The following HTN1 variants were observed in gnomAD, a reference collection of about 807,000 sequenced individuals.
The protein encoded by HTN1 is histatin 1.
A neutral mutation model predicts 11.2 loss-of-function variants in HTN1; 18 were observed. The ratio of observed to expected loss-of-function variants is 1.61; its 90% CI spans 1.12 to 2.39. The LOEUF (loss-of-function observed/expected upper bound fraction) is 2.39. Among genes scored for constraint, HTN1 ranks in the 30% most tolerant of loss-of-function variants. The pLI, the probability that HTN1 is intolerant of heterozygous loss-of-function variation, is 0.00. For missense variants in HTN1, 80 were observed against 67.2 expected (o/e 1.19, Z -0.67); for synonymous variants, 21 against 20.5 (o/e 1.02, Z -0.07).
intron 2 of HTN1, among the ~76,000 whole-genome samples, 153 bp from the exon 3 acceptor site, chr4:70,054,169 G>A (rs1725972570): frequency 1.3e-5 from 2 of 152,026 alleles, no homozygotes; most frequent in Admixed American, 1.3e-4. Flanking sequence ...TTTTGAAGAT[G>A]TCATAAAGCT....
intron 5 of HTN1, chr4:70,057,135 C>G (rs1039846591): frequency 1.3e-5 from 2 of 152,120 alleles, no homozygotes; most frequent in Non-Finnish European, 2.9e-5. Context: ...TGGAACCAAC[C>G]CAAATGACCA....
chr4:70,055,127 C>A (rs937814211), intron 4 of HTN1, among the ~76,000 whole-genome samples: 3 of 151,958 alleles, frequency 2.0e-5, no homozygotes, highest in Admixed American at 6.6e-5. Flanking sequence ...CATTAAGAAG[C>A]ACCACCTAAG....
chr4:70,055,444 G>T, intron 4 of HTN1, 54 bp from the exon 5 acceptor site: 1 of 1,235,396 alleles, frequency 8.1e-7, no homozygotes, highest in Non-Finnish European at 1.2e-6. Flanking sequence ...AGAAACACTT[G>T]TATTGTCATT....
chr4:70,051,654 A>G (rs751639124), intron 1 of HTN1, among the ~76,000 whole-genome samples: 21 of 152,250 alleles, frequency 1.4e-4, no homozygotes, highest in Admixed American at 5.9e-4. Context: ...TTCAAAATAC[A>G]TAATTTTTAT....
chr4:70,057,600 T>G (rs1325508091), intron 5 of HTN1: 1 of 152,156 alleles, frequency 6.6e-6, no homozygotes, highest in African/African-American at 2.4e-5. Context: ...GAACTATAGT[T>G]CCAGTTCTGA....
At chr4:70,054,596 A>T (rs1189306739) in intron 4 of HTN1, 146 bp downstream of exon 4, 1 of 589,514 alleles carries the variant, frequency 1.7e-6, no homozygotes, top group Non-Finnish European at 2.9e-6. Flanking sequence ...TTATGATGCA[A>T]AGGCAAAAAG....
intron 4 of HTN1, 66 bp from the exon 5 acceptor site, chr4:70,055,432 T>G: frequency 8.7e-7 from 1 of 1,147,218 alleles, no homozygotes; most frequent in Non-Finnish European, 1.3e-6. Flanking sequence ...TGACAGTTTT[T>G]GAGAAACACT....
intron 2 of HTN1, 151 bp from the exon 3 acceptor site, chr4:70,054,171 C>A: frequency 2.0e-6 from 1 of 498,402 alleles, no homozygotes; most frequent in Non-Finnish European, 3.5e-6. Flanking sequence ...TTGAAGATGT[C>A]ATAAAGCTAA....
chr4:70,052,221 A>T (rs1488833136), intron 1 of HTN1, among the ~76,000 whole-genome samples: 1 of 152,160 alleles, frequency 6.6e-6, no homozygotes, highest in Non-Finnish European at 1.5e-5. Context: ...AATATCACTA[A>T]TGTTCTAATC....
At chr4:70,051,911 A>G (rs1265059326) in intron 1 of HTN1, among the ~76,000 whole-genome samples, 2 of 152,156 alleles carry the variant, frequency 1.3e-5, no homozygotes, top group Non-Finnish European at 2.9e-5. Flanking sequence ...TATAACTGCA[A>G]TTAACAGCCA....
At chr4:70,053,174 C>T in intron 2 of HTN1, 47 bp downstream of exon 2, 1 of 1,204,512 alleles carries the variant, frequency 8.3e-7, no homozygotes, top group Non-Finnish European at 1.2e-6. Flanking sequence ...AGTACTTATC[C>T]CAAGTGTCTC....
At chr4:70,051,120 T>G (rs1336663192) in intron 1 of HTN1, among the ~76,000 whole-genome samples, 1 of 152,204 alleles carries the variant, frequency 6.6e-6, no homozygotes, top group Non-Finnish European at 1.5e-5. Context: ...TAATTATTAA[T>G]TCTACATTTA....
Position 70,053,027 on chromosome 4 carries a change from G to T in HTN1, c.-13-37G>T, listed in dbSNP as rs774054473. Reference sequence around the variant, plus strand: ...AAGTTTGATGAATGAATGCATGAAAGAATGTGATTACTGATTTTTCATGTT... The same window carrying T: ...AAGTTTGATGAATGAATGCATGAAATAATGTGATTACTGATTTTTCATGTT... On this transcript the variant is annotated intron_variant, in intron 1 of 5. Transcript: ENST00000246896. 27 of 1,233,068 alleles carry T rather than the reference G, an allele frequency of 2.2e-5. 1 individual carries two copies. The South Asian group carries it at 2.9e-4, about 13-fold the overall frequency. 76.4% of individuals were successfully genotyped at this position (1,233,068 alleles called of 1,614,324 possible).
At position 70,055,474 on chromosome 4, in the gene HTN1, C is replaced by T. The variant is rs13353559; in HGVS notation, c.103-24C>T. On this transcript the variant is annotated intron_variant, in intron 4 of 5. Coordinates refer to ENST00000246896, the MANE Select transcript of HTN1 (RefSeq NM_002159.4). ...GTCATTCTCTATTCTCTGCAATTTG[C>T]TCTCTCCTTTTGTGTGTATGCAGGA... is the stretch of plus-strand genomic sequence containing the variant. 4,274 of 1,505,308 alleles carry T rather than the reference C, an allele frequency of 2.8e-3. 96 individuals are homozygous for T. The African/African-American group carries it at 0.052, about 18-fold the overall frequency. 93.2% of individuals were successfully genotyped at this position (1,505,308 alleles called of 1,614,324 possible).
intron 5 of HTN1, chr4:70,058,309 A>G (rs1241781917): frequency 6.6e-6 from 1 of 152,148 alleles, no homozygotes; most frequent in Non-Finnish European, 1.5e-5. Flanking sequence ...TGTGTAGGCT[A>G]TATTTAAGTG....
In HTN1 at chr4:70,055,515, T is replaced by C. The variant is rs778040971; in HGVS notation, c.120T>C (p.His40=). The C allele has an allele frequency of 1.3e-6, 2 of 1,597,458 alleles. No individual in the cohort carries two copies. The highest frequency in any genetic ancestry group is 4.5e-5 in the East Asian group (2 of 44,664). Residue 40 remains histidine (H), a synonymous_variant, in exon 5 of 6, where the codon CAT becomes CAC. Transcript: ENST00000246896. ...RRKFHEKHHS[H]REFPFYGDYG... ...GTATGCAGGAAAAGCATCATTCACATCGAGAATTTCCATTTTATGGGGACT... is the reference window on the plus strand; with the variant it reads ...GTATGCAGGAAAAGCATCATTCACACCGAGAATTTCCATTTTATGGGGACT...
chr4:70,054,511 C>T (rs1725985432), intron 4 of HTN1, 61 bp downstream of exon 4: 4 of 1,035,732 alleles, frequency 3.9e-6, no homozygotes, highest in Non-Finnish European at 5.8e-6. Context: ...TATTTATTCT[C>T]CTAGAAGAAT....
chr4:70,058,793 C>G lies in HTN1; in HGVS notation c.*247C>G, dbSNP rs1726107577. On this transcript the variant is annotated 3_prime_UTR_variant, in exon 6 of 6. Coordinates refer to ENST00000246896, the MANE Select transcript of HTN1 (RefSeq NM_002159.4). ...TGTTAAGCTGTTTTCACTGCTGTTT[C>G]TGAGTAATAGAAATTCATTCCTCTC... The G allele has an allele frequency of 6.6e-6, 1 of 152,100 alleles. No individual in the cohort carries two copies. Among genetic ancestry groups the G allele is most frequent in the Non-Finnish European group, 1.5e-5 (1 of 68,006 alleles). 9.4% of individuals were successfully genotyped at this position (152,100 alleles called of 1,614,324 possible).
intron 5 of HTN1, chr4:70,055,843 G>A: frequency 3.5e-6 from 1 of 286,674 alleles, no homozygotes; most frequent in African/African-American, 2.2e-5. Flanking sequence ...TTTGGTAACT[G>A]TAGCTTTGTA....
Sources: gnomAD v4.1 joint callset for allele counts (sites outside exome capture counted in the v4.1 genomes callset) on GRCh38, gnomAD v4.1.1 for gene constraint, MANE v1.5 for transcripts, NCBI Gene and HGNC (gene_info 2026-07-23, HGNC 2026-07-21) for gene names.